Variants in RSRC1 observed in about 807,000 individuals in gnomAD.
RSRC1 encodes serine/Arginine-related protein 53.
Under a neutral mutation model 49.1 loss-of-function variants are expected in RSRC1, and 39 were observed. That is an observed-to-expected ratio of 0.79 (90% confidence interval 0.61 to 1.04). RSRC1 has a LOEUF of 1.04. RSRC1 is among the 50% of genes least tolerant of loss of function. The pLI, the probability that RSRC1 is intolerant of heterozygous loss-of-function variation, is 0.00. For synonymous variants in RSRC1, 143 were observed against 130.8 expected (o/e 1.09, Z -0.63); for missense variants, 388 against 402.4 (o/e 0.96, Z 0.31).
At chr3:158,525,535 C>G (rs1711959195) in intron 7 of RSRC1, among the ~76,000 whole-genome samples, 1 of 151,946 alleles carries the variant, frequency 6.6e-6, no homozygotes, top group Non-Finnish European at 1.5e-5. Flanking sequence ...TACAACCCAA[C>G]TATTTCAGTA....
intron 7 of RSRC1, among the ~76,000 whole-genome samples, chr3:158,509,812 C>T (rs551689495): frequency 6.6e-6 from 1 of 152,100 alleles, no homozygotes; most frequent in Non-Finnish European, 1.5e-5. Context: ...TATTTTTAGA[C>T]TGTACCAAAA....
chr3:158,384,944 A>G (rs1732890885), intron 6 of RSRC1, among the ~76,000 whole-genome samples: 1 of 152,176 alleles, frequency 6.6e-6, no homozygotes, highest in Non-Finnish European at 1.5e-5. Context: ...ACCTGATGGC[A>G]GCTGGATCAG....
chr3:158,340,062 C>A (rs1730140642), intron 5 of RSRC1, among the ~76,000 whole-genome samples: 1 of 152,134 alleles, frequency 6.6e-6, no homozygotes, highest in Non-Finnish European at 1.5e-5. Flanking sequence ...TTGGCTGTGT[C>A]CCCACTAAAT....
intron 7 of RSRC1, among the ~76,000 whole-genome samples, chr3:158,466,495 G>A (rs746099403): frequency 1.3e-5 from 2 of 152,098 alleles, no homozygotes; most frequent in Non-Finnish European, 2.9e-5. Flanking sequence ...TAAACATTAG[G>A]AAGCTGACAT....
intron 6 of RSRC1, among the ~76,000 whole-genome samples, chr3:158,378,268 A>T (rs1171800330): frequency 6.6e-6 from 1 of 152,006 alleles, no homozygotes; most frequent in East Asian, 1.9e-4. Flanking sequence ...TTTTATTCTC[A>T]TGTTGGGTGG....
chr3:158,429,228 C>G (rs1735632924), intron 6 of RSRC1, among the ~76,000 whole-genome samples: 1 of 151,564 alleles, frequency 6.6e-6, no homozygotes, highest in Non-Finnish European at 1.5e-5. Context: ...GAAAGCCTGA[C>G]CAATAGGAAA....
chr3:158,190,831 C>G (rs1720200158), intron 3 of RSRC1, among the ~76,000 whole-genome samples: 2 of 152,118 alleles, frequency 1.3e-5, no homozygotes, highest in South Asian at 4.1e-4. Flanking sequence ...CAGTAATAGA[C>G]AATACTGTGG....
chr3:158,511,371 G>A (rs62287884), intron 7 of RSRC1, among the ~76,000 whole-genome samples: 46,883 of 151,838 alleles, frequency 0.31, 7,434 homozygotes, highest in South Asian at 0.41. Context: ...AGAATATGTG[G>A]TGTTTGCTTT....
chr3:158,157,538 G>A (rs927161154), intron 3 of RSRC1, among the ~76,000 whole-genome samples: 2 of 152,178 alleles, frequency 1.3e-5, no homozygotes, highest in African/African-American at 4.8e-5. Context: ...TTATCAGAGG[G>A]AGAACTGGAT....
At chr3:158,514,810 G>A (rs548957115) in intron 7 of RSRC1, among the ~76,000 whole-genome samples, 86 of 152,272 alleles carry the variant, frequency 5.6e-4, no homozygotes, top group Non-Finnish European at 1.0e-3. Context: ...CCAGTATTGG[G>A]TGCATATATA....
chr3:158,186,412 C>T (rs1719935065), intron 3 of RSRC1, among the ~76,000 whole-genome samples: 1 of 151,898 alleles, frequency 6.6e-6, no homozygotes, highest in African/African-American at 2.4e-5. Context: ...CAAATTAACA[C>T]TTATTGTACA....
At chr3:158,373,937 ATAATTT>A (rs1732217299) in intron 6 of RSRC1, among the ~76,000 whole-genome samples, 1 of 152,024 alleles carries the variant, frequency 6.6e-6, no homozygotes, top group African/African-American at 2.4e-5. Flanking sequence ...TTGTTCCATA[ATAATTT>A]CTCTAGTTTT....
intron 5 of RSRC1, among the ~76,000 whole-genome samples, chr3:158,314,812 C>T (rs1486263742): frequency 1.3e-5 from 2 of 152,002 alleles, no homozygotes; most frequent in African/African-American, 2.4e-5. Flanking sequence ...GAGTAAAGTT[C>T]GAGACCAGCC....
chr3:158,386,056 C>G (rs1042311588), intron 6 of RSRC1, among the ~76,000 whole-genome samples: 1 of 151,948 alleles, frequency 6.6e-6, no homozygotes, highest in African/African-American at 2.4e-5. Context: ...AGAATTTCAT[C>G]TCTGATGAAA....
rs1712789069 is a variant in RSRC1, at chr3:158,537,658, G to A, written c.759+460G>A. ...TATCACTTATTTGGCTGTGGTAAAG[G>A]AGCTTTGATTGACATTTTACTTCCA... On this transcript the variant is annotated intron_variant, in intron 8 of 9. Coordinates refer to ENST00000611884, the MANE Select transcript of RSRC1 (RefSeq NM_001271838.2). 2.0e-5 allele frequency among the ~76,000 whole-genome samples: 3 copies of A among 151,602 alleles called. No individual in the cohort carries two copies. The South Asian group carries it at 6.2e-4, about 32-fold the overall frequency.
intron 7 of RSRC1, among the ~76,000 whole-genome samples, chr3:158,505,812 C>T (rs1282407826): frequency 7.0e-6 from 1 of 141,896 alleles, no homozygotes; most frequent in African/African-American, 2.6e-5. Context: ...GTAAAGGGAA[C>T]AGCATTTGTG....
chr3:158,421,120 C>T (rs145999715), intron 6 of RSRC1, among the ~76,000 whole-genome samples: 3 of 151,894 alleles, frequency 2.0e-5, no homozygotes, highest in Non-Finnish European at 2.9e-5. Flanking sequence ...CAGGGAAGTC[C>T]CAGGCAAGCT....
At chr3:158,433,046 C>T (rs1326704313) in intron 6 of RSRC1, among the ~76,000 whole-genome samples, 1 of 151,600 alleles carries the variant, frequency 6.6e-6, no homozygotes, top group African/African-American at 2.4e-5. Flanking sequence ...ATATTTAGTC[C>T]TCTATATTAA....
intron 6 of RSRC1, among the ~76,000 whole-genome samples, chr3:158,451,418 A>G (rs2108390478): frequency 6.6e-6 from 1 of 152,166 alleles, no homozygotes; most frequent in African/African-American, 2.4e-5. Flanking sequence ...TAAAATTTTT[A>G]ATGAATTTGA....
Sources: allele counts gnomAD v4.1 joint callset (sites outside exome capture counted in the v4.1 genomes callset), GRCh38; gene constraint gnomAD v4.1.1; transcripts MANE v1.5; gene names NCBI Gene and HGNC (gene_info 2026-07-23, HGNC 2026-07-21).